The following CRISP3 variants were observed in gnomAD, a reference collection of about 807,000 sequenced individuals.
The protein encoded by CRISP3 is cysteine-rich secretory protein 3.
A neutral mutation model predicts 36.1 loss-of-function variants in CRISP3; 33 were observed. The ratio of observed to expected loss-of-function variants is 0.91; its 90% CI spans 0.69 to 1.22. The LOEUF (loss-of-function observed/expected upper bound fraction) is 1.22. Ranked by LOEUF, CRISP3 falls within the 50% of genes most tolerant of loss-of-function variation. The pLI is 0.00. For missense variants in CRISP3, 330 were observed against 301.2 expected (o/e 1.10, Z -0.71); for synonymous variants, 117 against 104.6 (o/e 1.12, Z -0.72).
intron 1 of CRISP3, among the ~76,000 whole-genome samples, chr6:49,742,434 C>T (rs13216991): frequency 0.19 from 28,980 of 151,864 alleles, 3,651 homozygotes; most frequent in Non-Finnish European, 0.27. Flanking sequence ...GAGTTTGAGA[C>T]CACCCTGCGT....
At chr6:49,741,884 ATAATAATATAAAATATATTAT>A (rs1769214173) in intron 1 of CRISP3, among the ~76,000 whole-genome samples, 1 of 147,400 alleles carries the variant, frequency 6.8e-6, no homozygotes, top group Non-Finnish European at 1.5e-5. Flanking sequence ...TATGTTATAT[ATAATAATATAAAATATATTAT>A]TATATATAAA....
chr6:49,728,691 C>A lies in CRISP3; in HGVS notation c.*39G>T, dbSNP rs777798725. ...TGCCAAATCTAAGTAGATAATCTGA[C>A]TCCTCTCTACATAGCCCTACTCGGT... On this transcript the variant is annotated 3_prime_UTR_variant, in exon 8 of 8. Transcript: ENST00000263045. 81 of 1,516,776 alleles carry A rather than the reference C, an allele frequency of 5.3e-5. No individual in the cohort carries two copies. The highest frequency in any genetic ancestry group is 7.0e-5 in the Non-Finnish European group (79 of 1,128,224). 94.0% of individuals were successfully genotyped at this position (1,516,776 alleles called of 1,614,324 possible).
At chr6:49,741,581 A>G (rs1001934764) in intron 1 of CRISP3, among the ~76,000 whole-genome samples, 31 of 150,932 alleles carry the variant, frequency 2.1e-4, no homozygotes, top group Non-Finnish European at 3.8e-4. Context: ...ATGACAAAAA[A>G]TACGTCATTA....
rs1351956168 is a variant in CRISP3, at chr6:49,728,562, T to G, written c.*168A>C. The G allele has an allele frequency of 6.0e-6, 3 of 497,656 alleles. No homozygotes were observed. The highest frequency in any genetic ancestry group is 8.0e-5 in the Admixed American group (2 of 24,996). The allele number at this position is 497,656 out of a possible 1,614,324, so 30.8% of individuals were successfully genotyped here. ...TTTTTAACCATTTGTATGAAAAATATTTTTGTAAAATAAAAAGCAGATCCA... is the reference window on the plus strand; with the variant it reads ...TTTTTAACCATTTGTATGAAAAATAGTTTTGTAAAATAAAAAGCAGATCCA... On this transcript the variant is annotated 3_prime_UTR_variant, in exon 8 of 8. Coordinates refer to ENST00000263045, the MANE Select transcript of CRISP3 (RefSeq NM_006061.4).
intron 3 of CRISP3, 72 bp from the exon 4 acceptor site, chr6:49,735,663 G>A: frequency 9.0e-7 from 1 of 1,108,822 alleles, no homozygotes; most frequent in Non-Finnish European, 1.3e-6. Flanking sequence ...TTTATAATCA[G>A]GTTATAGGTT....
intron 4 of CRISP3, among the ~76,000 whole-genome samples, chr6:49,734,105 T>G (rs939554373): frequency 6.6e-6 from 1 of 152,170 alleles, no homozygotes. Flanking sequence ...TGGAGAAGCC[T>G]TTTTTCTTTA....
chr6:49,734,546 T>G (rs889116921), intron 4 of CRISP3, among the ~76,000 whole-genome samples: 1 of 152,140 alleles, frequency 6.6e-6, no homozygotes, highest in Non-Finnish European at 1.5e-5. Context: ...TAACAAGGAA[T>G]GTCTACATGC....
chr6:49,738,465 G>A (rs1769116114), intron 1 of CRISP3, among the ~76,000 whole-genome samples: 1 of 152,114 alleles, frequency 6.6e-6, no homozygotes, highest in Admixed American at 6.5e-5. Flanking sequence ...AATAGTATAT[G>A]GTAGATCCTT....
chr6:49,743,385 A>T (rs1180881630), intron 1 of CRISP3, among the ~76,000 whole-genome samples: 1 of 152,142 alleles, frequency 6.6e-6, no homozygotes, highest in African/African-American at 2.4e-5. Context: ...CTTGTCATCA[A>T]TTTAATTTCT....
intron 5 of CRISP3, among the ~76,000 whole-genome samples, 187 bp from the exon 6 acceptor site, chr6:49,733,479 A>T (rs985372250): frequency 3.3e-5 from 5 of 152,180 alleles, no homozygotes; most frequent in Non-Finnish European, 7.4e-5. Context: ...ATTTCCATGT[A>T]CATTCCTTTT....
chr6:49,737,176 A>G (rs1195374679), intron 2 of CRISP3, 149 bp downstream of exon 2: 1 of 603,338 alleles, frequency 1.7e-6, no homozygotes, highest in Non-Finnish European at 2.9e-6. Context: ...AGCTTTAAAC[A>G]TAATTATGTT....
Position 49,733,284 on chromosome 6 carries a change from C to G in CRISP3, c.471G>C (p.Trp157Cys). ...AVVGHYTQVV[W>C]YSSYLVGCGN... ...CACATCCAACGAGGTATGAAGAGTA[C>G]CAAACAACCTATAAACCAATAAGTG... Residue 157 changes from tryptophan (W) to cysteine (C), a missense_variant, in exon 6 of 8, where the codon TGG becomes TGC. Coordinates refer to ENST00000263045, the MANE Select transcript of CRISP3 (RefSeq NM_006061.4). The G allele has an allele frequency of 6.2e-7, 1 of 1,601,578 alleles. No individual in the cohort carries two copies. The highest frequency in any genetic ancestry group is 8.5e-7 in the Non-Finnish European group (1 of 1,173,568).
rs1477237436 is a variant in CRISP3 at position 49,727,689 on chromosome 6, A to T, written c.*1041T>A. 6.6e-6 allele frequency: 1 copy of T among 151,992 alleles called. No homozygotes were observed. The highest frequency in any genetic ancestry group is 1.5e-5 in the Non-Finnish European group (1 of 67,962). The allele number at this position is 151,992 out of a possible 1,614,324, so 9.4% of individuals were successfully genotyped here. Reference sequence around the variant, plus strand: ...ATGTGGTCTGTGATTGTTTCTCAGGATTCCCTTATTTTCCATGATTTTTAC... The same window carrying T: ...ATGTGGTCTGTGATTGTTTCTCAGGTTTCCCTTATTTTCCATGATTTTTAC... On this transcript the variant is annotated 3_prime_UTR_variant, in exon 8 of 8. Coordinates refer to ENST00000263045, the MANE Select transcript of CRISP3 (RefSeq NM_006061.4).
chr6:49,743,519 G>A (rs1769259028), intron 1 of CRISP3, among the ~76,000 whole-genome samples: 3 of 152,118 alleles, frequency 2.0e-5, no homozygotes, highest in South Asian at 4.1e-4. Flanking sequence ...TTCCTGGATA[G>A]CATTTAGCCA....
chr6:49,744,091 T>A (rs1335608859), intron 1 of CRISP3, among the ~76,000 whole-genome samples: 2 of 152,116 alleles, frequency 1.3e-5, no homozygotes, highest in African/African-American at 4.8e-5. Flanking sequence ...AAGGTAAAAA[T>A]TTATTTAAAT....
chr6:49,730,283 G>T (rs1174620902), intron 7 of CRISP3, among the ~76,000 whole-genome samples: 1 of 151,872 alleles, frequency 6.6e-6, no homozygotes, highest in Non-Finnish European at 1.5e-5. Flanking sequence ...AAATATTTTT[G>T]AGGCTTCTGC....
intron 6 of CRISP3, among the ~76,000 whole-genome samples, chr6:49,731,622 A>G (rs1391944033): frequency 6.6e-6 from 1 of 152,238 alleles, no homozygotes; most frequent in Admixed American, 6.5e-5. Context: ...CTAGAGAGAT[A>G]AGAAAAGTTC....
intron 4 of CRISP3, 95 bp from the exon 5 acceptor site, chr6:49,733,943 G>C (rs1768980272): frequency 8.8e-7 from 1 of 1,139,590 alleles, no homozygotes; most frequent in Admixed American, 2.0e-5. Context: ...CAGAATCCCT[G>C]TTTTTTAAAT....
At chr6:49,742,736 T>G (rs1049925679) in intron 1 of CRISP3, among the ~76,000 whole-genome samples, 1 of 152,094 alleles carries the variant, frequency 6.6e-6, no homozygotes, top group Admixed American at 6.6e-5. Context: ...TTCAAACATT[T>G]GTTGACAAAA....
Sources: allele counts gnomAD v4.1 joint callset (sites outside exome capture counted in the v4.1 genomes callset), GRCh38; gene constraint gnomAD v4.1.1; transcripts MANE v1.5; gene names NCBI Gene and HGNC (gene_info 2026-07-23, HGNC 2026-07-21).